Variants in COMMD10 observed in about 807,000 individuals in gnomAD.
The protein encoded by COMMD10 is COMM domain-containing protein 10.
Under a neutral mutation model 28.9 loss-of-function variants are expected in COMMD10, and 33 were observed. That is an observed-to-expected ratio of 1.14 (90% confidence interval 0.87 to 1.53). The LOEUF is 1.53. Ranked by LOEUF, COMMD10 falls within the 40% of genes most tolerant of loss-of-function variation. The pLI is 0.00. For missense variants in COMMD10, 310 were observed against 233.4 expected (o/e 1.33, Z -2.14); for synonymous variants, 110 against 81.7 (o/e 1.35, Z -1.87).
At chr5:116,213,368 G>C (rs1749016728) in intron 5 of COMMD10, among the ~76,000 whole-genome samples, 1 of 151,978 alleles carries the variant, frequency 6.6e-6, no homozygotes, top group Non-Finnish European at 1.5e-5. Context: ...AGTCACATGT[G>C]GGTCTCAGCA....
chr5:116,100,365 G>C (rs1015190138), intron 4 of COMMD10, among the ~76,000 whole-genome samples: 9 of 152,156 alleles, frequency 5.9e-5, no homozygotes, highest in African/African-American at 2.2e-4. Flanking sequence ...CGCTTTTGGT[G>C]TCCTATCCAA....
At chr5:116,115,810 A>G (rs968456353) in intron 4 of COMMD10, among the ~76,000 whole-genome samples, 3 of 152,170 alleles carry the variant, frequency 2.0e-5, no homozygotes, top group Non-Finnish European at 4.4e-5. Flanking sequence ...GAGTTCTTTT[A>G]TATATATTTT....
intron 5 of COMMD10, among the ~76,000 whole-genome samples, chr5:116,226,242 C>T (rs544972927): frequency 1.3e-5 from 2 of 151,998 alleles, no homozygotes; most frequent in Non-Finnish European, 2.9e-5. Flanking sequence ...TGTATGACCA[C>T]GTCAGTTTTT....
At chr5:116,209,726 C>A (rs183853070) in intron 5 of COMMD10, among the ~76,000 whole-genome samples, 28 of 152,236 alleles carry the variant, frequency 1.8e-4, no homozygotes, top group Admixed American at 1.8e-3. Context: ...TTTCAATTAA[C>A]TTTCTCCACG....
intron 4 of COMMD10, among the ~76,000 whole-genome samples, chr5:116,105,831 T>A (rs1750819356): frequency 6.6e-6 from 1 of 152,226 alleles, no homozygotes; most frequent in Non-Finnish European, 1.5e-5. Flanking sequence ...CTATTGTGTG[T>A]ATTTGATTCT....
chr5:116,232,606 C>G (rs1749557179), intron 5 of COMMD10, among the ~76,000 whole-genome samples: 1 of 152,032 alleles, frequency 6.6e-6, no homozygotes, highest in African/African-American at 2.4e-5. Flanking sequence ...GAGGCTGAGA[C>G]AAGAGAATTG....
intron 5 of COMMD10, among the ~76,000 whole-genome samples, chr5:116,225,885 G>C (rs902458500): frequency 6.6e-6 from 1 of 151,768 alleles, no homozygotes; most frequent in African/African-American, 2.4e-5. Flanking sequence ...TTTGTTGTCA[G>C]CTAGGAATTT....
At chr5:116,186,795 T>C (rs1748152928) in intron 5 of COMMD10, among the ~76,000 whole-genome samples, 1 of 152,148 alleles carries the variant, frequency 6.6e-6, no homozygotes, top group African/African-American at 2.4e-5. Flanking sequence ...CTTGGCCTTA[T>C]TGGAGTTTCT....
intron 4 of COMMD10, among the ~76,000 whole-genome samples, chr5:116,106,540 G>T (rs1750844912): frequency 2.0e-5 from 3 of 152,162 alleles, no homozygotes; most frequent in Admixed American, 1.3e-4. Context: ...GGATATCCTT[G>T]TTGATTTTCT....
At chr5:116,266,030 T>C (rs1373694295) in intron 5 of COMMD10, among the ~76,000 whole-genome samples, 1 of 151,692 alleles carries the variant, frequency 6.6e-6, no homozygotes, top group Non-Finnish European at 1.5e-5. Context: ...CAGAAAGAGA[T>C]GTATTTCTTT....
chr5:116,255,871 G>C (rs956658630), intron 5 of COMMD10: 8 of 151,312 alleles, frequency 5.3e-5, no homozygotes, highest in Admixed American at 5.3e-4. Flanking sequence ...GTCTCATTAA[G>C]TAGAAGAGAA....
chr5:116,192,646 G>C (rs1748400036), intron 5 of COMMD10, among the ~76,000 whole-genome samples: 1 of 152,034 alleles, frequency 6.6e-6, no homozygotes, highest in Non-Finnish European at 1.5e-5. Flanking sequence ...TATGAACAAA[G>C]TTTCCAAGAA....
intron 4 of COMMD10, among the ~76,000 whole-genome samples, chr5:116,110,980 G>A (rs1393020177): frequency 1.3e-5 from 2 of 152,080 alleles, no homozygotes; most frequent in East Asian, 3.8e-4. Context: ...TATGAGATTT[G>A]GATGGGAACA....
chr5:116,213,084 TC>T (rs1384134382), intron 5 of COMMD10, among the ~76,000 whole-genome samples: 1 of 152,098 alleles, frequency 6.6e-6, no homozygotes, highest in Non-Finnish European at 1.5e-5. Flanking sequence ...GATTGGTTTG[TC>T]ATATTTTATT....
chr5:116,126,083 T>C (rs773345035), intron 4 of COMMD10, among the ~76,000 whole-genome samples: 5 of 152,228 alleles, frequency 3.3e-5, no homozygotes, highest in South Asian at 2.1e-4. Flanking sequence ...AGCAAAGTCT[T>C]AGGATACAAA....
At chr5:116,283,472 G>C (rs552514286) in intron 5 of COMMD10, among the ~76,000 whole-genome samples, 1 of 151,224 alleles carries the variant, frequency 6.6e-6, no homozygotes, top group Admixed American at 6.6e-5. Context: ...TCATCCTCCT[G>C]AGCAGCTGGA....
intron 5 of COMMD10, among the ~76,000 whole-genome samples, chr5:116,177,353 T>C (rs1753549744): frequency 6.6e-6 from 1 of 152,218 alleles, no homozygotes; most frequent in Admixed American, 6.5e-5. Context: ...TTTGCATTAA[T>C]ATCTTTTCAT....
chr5:116,291,382 G>A (rs992052759), intron 5 of COMMD10, 135 bp from the exon 6 acceptor site: 2 of 630,620 alleles, frequency 3.2e-6, no homozygotes, highest in African/African-American at 1.9e-5. Context: ...TCATGGGGTT[G>A]AGTAGAGCAG....
chr5:116,254,028 G>C (rs191938456), intron 5 of COMMD10, among the ~76,000 whole-genome samples: 257 of 152,240 alleles, frequency 1.7e-3, no homozygotes, highest in African/African-American at 5.8e-3. Context: ...ATTCTTGGGA[G>C]AGTATATGTG....
Sources: gnomAD v4.1 joint callset for allele counts (sites outside exome capture counted in the v4.1 genomes callset) on GRCh38, gnomAD v4.1.1 for gene constraint, MANE v1.5 for transcripts, NCBI Gene and HGNC (gene_info 2026-07-23, HGNC 2026-07-21) for gene names.